USP42: variants seen among roughly 807,000 people sequenced by gnomAD.
USP42 encodes ubiquitin specific peptidase 42.
In USP42, 23 loss-of-function variants were observed where a neutral mutation model predicts 113.0. The observed-to-expected ratio is 0.20, with a 90% CI of 0.15 to 0.29. USP42 has a LOEUF of 0.29. Ranked by LOEUF, USP42 falls within the 10% of genes least tolerant of loss-of-function variation. USP42 has a pLI of 1.00. For missense variants in USP42, 2,174 were observed against 1,779.8 expected (o/e 1.22, Z -3.99); for synonymous variants, 933 against 699.0 (o/e 1.33, Z -5.28).
chr7:6,154,268 A>G lies in USP42; in HGVS notation c.2714A>G (p.Asp905Gly), dbSNP rs200987808. Residue 905 changes from aspartate (D) to glycine (G), a missense_variant, in exon 15 of 18, where the codon GAC becomes GGC. Physicochemically the swap from Asp to Gly is moderately conservative, Grantham distance 94. Coordinates refer to ENST00000306177, the MANE Select transcript of USP42 (RefSeq NM_032172.3). The part of the protein sequence containing the change: ...AAERPPAPVL[D>G]MAPAGHPEGD... Reference sequence around the variant, plus strand: ...GAGCGGCCGCCAGCTCCTGTGCTGGACATGGCCCCGGCCGGTCACCCGGAA... The same window carrying G: ...GAGCGGCCGCCAGCTCCTGTGCTGGGCATGGCCCCGGCCGGTCACCCGGAA... 2,948 of 1,601,536 alleles carry G rather than the reference A, an allele frequency of 1.8e-3. 11 individuals carry two copies. Among genetic ancestry groups the G allele is most frequent in the Non-Finnish European group, 1.5e-3 (1,767 of 1,175,256 alleles).
rs1397347638 is a variant in USP42 at position 6,135,906 on chromosome 7, C to T, written c.508C>T (p.Pro170Ser). 58 of 1,610,688 alleles carry T rather than the reference C, an allele frequency of 3.6e-5. No individual in the cohort carries two copies. The highest frequency in any genetic ancestry group is 4.9e-5 in the Non-Finnish European group (58 of 1,178,592). The change falls in exon 4 of 18, where the codon CCT becomes TCT. Residue 170 changes from proline (P) to serine (S), a missense_variant. Coordinates refer to ENST00000306177, the MANE Select transcript of USP42 (RefSeq NM_032172.3). ...ACATATTACCCAGGCACTCAGTAATCCTGGGGACGTTATTAAACCAATGTT... is the reference window on the plus strand; with the variant it reads ...ACATATTACCCAGGCACTCAGTAATTCTGGGGACGTTATTAAACCAATGTT... Reference protein sequence around the residue: ...QAHITQALSNPGDVIKPMFVI... With the variant: ...QAHITQALSNSGDVIKPMFVI...
At chr7:6,090,336 TTA>T in the USP42 span, among the ~76,000 whole-genome samples, 1 of 121,170 alleles carries the variant, frequency 8.3e-6, no homozygotes, top group African/African-American at 3.7e-5. Flanking sequence ...ATATATTTCT[TTA>T]TATATATATT....
In USP42 at chr7:6,157,435, T is replaced by A. The variant is rs1197343450; in HGVS notation, c.3943+380T>A. 3 of 956,216 alleles carry A rather than the reference T, an allele frequency of 3.1e-6. No individual in the cohort carries two copies. The highest frequency in any genetic ancestry group is 1.2e-4 in the Admixed American group (2 of 16,240). 59.2% of individuals were successfully genotyped at this position (956,216 alleles called of 1,614,324 possible). ...TTTTTGAGACGGAGTCTTGCTCTAT[T>A]GCCCAGGCTGGAGTGCAGTGGCGGC... is the stretch of plus-strand genomic sequence containing the variant. On this transcript the variant is annotated intron_variant, in intron 16 of 17. Transcript: ENST00000306177. This position sits in a 1 kb window ranked among gnomAD's most constrained non-coding sequence, Gnocchi z 4.1.
the USP42 span, among the ~76,000 whole-genome samples, chr7:6,083,351 G>T: frequency 1.3e-5 from 2 of 149,994 alleles, no homozygotes; most frequent in Admixed American, 1.3e-4. Flanking sequence ...TGCCTCCCAG[G>T]TTCAAGCAAT....
chr7:6,141,991 C>G (rs1217641541), intron 7 of USP42, among the ~76,000 whole-genome samples: 1 of 152,162 alleles, frequency 6.6e-6, no homozygotes, highest in Non-Finnish European at 1.5e-5. Flanking sequence ...TGAGCGTGCT[C>G]TCTGGGCAGT....
chr7:6,098,755 A>G, the USP42 span, among the ~76,000 whole-genome samples: 2 of 150,090 alleles, frequency 1.3e-5, 1 homozygote, highest in Non-Finnish European at 3.0e-5. Context: ...CATGTTGGCC[A>G]GGCTGGTCTT....
chr7:6,126,694 G>A (rs1387250091), intron 3 of USP42, among the ~76,000 whole-genome samples: 1 of 152,062 alleles, frequency 6.6e-6, no homozygotes, highest in Non-Finnish European at 1.5e-5. Flanking sequence ...GTTGTTTCTA[G>A]TTTTGGGATA....
upstream of USP42, among the ~76,000 whole-genome samples, chr7:6,100,844 T>A (rs1267920027): frequency 1.3e-5 from 2 of 150,476 alleles, no homozygotes; most frequent in South Asian, 2.1e-4. Flanking sequence ...TTTTTTGTAT[T>A]TTTAGAAGAG....
chr7:6,143,689 C>G (rs891252173), intron 8 of USP42, among the ~76,000 whole-genome samples: 1 of 151,692 alleles, frequency 6.6e-6, no homozygotes, highest in Admixed American at 6.6e-5. Flanking sequence ...CTGGTTAGGG[C>G]TCTCTTTTCA....
chr7:6,160,365 C>A (rs566854995), intron 17 of USP42, among the ~76,000 whole-genome samples, 190 bp from the exon 18 acceptor site: 1 of 152,166 alleles, frequency 6.6e-6, no homozygotes, highest in African/African-American at 2.4e-5. Flanking sequence ...CAGCAGATGG[C>A]GCCTCCCTGG....
intron 7 of USP42, 51 bp from the exon 8 acceptor site, chr7:6,142,881 C>T (rs376875644): frequency 1.9e-6 from 3 of 1,591,244 alleles, no homozygotes; most frequent in African/African-American, 2.7e-5. Flanking sequence ...AAGACCCAAA[C>T]ACAAGTGACG....
At chr7:6,122,461 T>G (rs1314027350) in intron 3 of USP42, among the ~76,000 whole-genome samples, 1 of 151,772 alleles carries the variant, frequency 6.6e-6, no homozygotes, top group Non-Finnish European at 1.5e-5. Context: ...TTTTGTTTTG[T>G]TTTTTTGTTT....
intron 1 of USP42, among the ~76,000 whole-genome samples, chr7:6,107,717 CT>C (rs1438940363): frequency 6.6e-6 from 1 of 151,958 alleles, no homozygotes; most frequent in African/African-American, 2.4e-5. Context: ...CCTCTTCTTT[CT>C]TTTTTTCCTG....
chr7:6,119,784 G>A (rs1160329214), intron 3 of USP42, among the ~76,000 whole-genome samples: 2 of 151,846 alleles, frequency 1.3e-5, no homozygotes, highest in African/African-American at 4.8e-5. Flanking sequence ...GCTCACTGCA[G>A]CCTTGACCTC....
chr7:6,111,228 ATGCAGGTTC>A lies in USP42; in HGVS notation c.99_107del (p.Gly34_Ala36del). On this transcript the variant is annotated inframe_deletion, in exon 2 of 18. Transcript: ENST00000306177. ...GAGGCAGTCTCACCTGGAGACATGG[ATGCAGGTTC>A]TGCCAGCTGGGGTGCTGTGTCTTCA... is the stretch of plus-strand genomic sequence containing the variant. The A allele has an allele frequency of 6.2e-7, 1 of 1,610,426 alleles. No homozygotes were observed. The highest frequency in any genetic ancestry group is 8.5e-7 in the Non-Finnish European group (1 of 1,178,212).
rs1162740015 is a variant in USP42 at position 6,158,068 on chromosome 7, A to G, written c.3943+1013A>G. On this transcript the variant is annotated intron_variant, in intron 16 of 17. Transcript: ENST00000306177. This position sits in a 1 kb window ranked among gnomAD's most constrained non-coding sequence, Gnocchi z 4.2. Reference sequence around the variant, plus strand: ...ACTTCGGCCAGTCACCAGACTTTGTATGAACTTGGAGTTAAGAATGGTTTT... The same window carrying G: ...ACTTCGGCCAGTCACCAGACTTTGTGTGAACTTGGAGTTAAGAATGGTTTT... 6.6e-6 allele frequency among the ~76,000 whole-genome samples: 1 copy of G among 152,244 alleles called. No individual in the cohort carries two copies. The highest frequency in any genetic ancestry group is 2.4e-5 in the African/African-American group (1 of 41,476).
intron 14 of USP42, chr7:6,152,944 T>A (rs1171712228): frequency 2.0e-6 from 2 of 979,680 alleles, no homozygotes; most frequent in Non-Finnish European, 2.4e-6. Flanking sequence ...ATCACTGGAC[T>A]TTTTTTCTTT....
At chr7:6,143,057 G>T (rs1781518562) in intron 8 of USP42, 43 bp downstream of exon 8, 4 of 1,599,960 alleles carry the variant, frequency 2.5e-6, no homozygotes, top group Admixed American at 1.7e-5. Flanking sequence ...GGCTTCTCCA[G>T]TGGGGATGGC....
intron 14 of USP42, among the ~76,000 whole-genome samples, 184 bp from the exon 15 acceptor site, chr7:6,153,572 A>T (rs540081592): frequency 1.3e-5 from 2 of 152,354 alleles, no homozygotes; most frequent in Admixed American, 1.3e-4. Context: ...AGCATGGCAC[A>T]CGTATACATA....
Sources: allele counts gnomAD v4.1 joint callset (sites outside exome capture counted in the v4.1 genomes callset), GRCh38; gene constraint gnomAD v4.1.1; non-coding constraint Gnocchi (gnomAD v3.1); transcripts MANE v1.5; gene names NCBI Gene and HGNC (gene_info 2026-07-23, HGNC 2026-07-21).